CADM2: variants seen among roughly 807,000 people sequenced by gnomAD.
CADM2 encodes cell adhesion molecule 2, also known as immunoglobulin superfamily member 4D.
Under a neutral mutation model 49.8 loss-of-function variants are expected in CADM2, and 12 were observed. That is an observed-to-expected ratio of 0.24 (90% CI 0.15 to 0.39). The LOEUF is 0.39. CADM2 is among the 10% of genes least tolerant of loss of function. The probability of loss-of-function intolerance (pLI) is 1.00; values close to 1 mark genes in which losing one functional copy is unlikely to be tolerated. For synonymous variants in CADM2, 214 were observed against 175.4 expected (o/e 1.22, Z -1.74); for missense variants, 378 against 492.3 (o/e 0.77, Z 2.20).
chr3:85,335,088 A>G (rs2045041680), intron 1 of CADM2, among the ~76,000 whole-genome samples: 1 of 151,494 alleles, frequency 6.6e-6, no homozygotes. Context: ...ATAAAATGCT[A>G]CAAACATGTT....
chr3:86,019,923 T>G (rs1732890191), intron 8 of CADM2, among the ~76,000 whole-genome samples: 1 of 151,974 alleles, frequency 6.6e-6, no homozygotes. Context: ...ACATCACAAT[T>G]AAAAGAACTA....
At chr3:85,953,825 TTAAC>T (rs71654171) in intron 7 of CADM2, among the ~76,000 whole-genome samples, 5,043 of 151,066 alleles carry the variant, frequency 0.033, 278 homozygotes, top group African/African-American at 0.12. Context: ...ACAGCCATTT[TTAAC>T]TAACAAAAAA....
chr3:85,188,782 A>G (rs990084407), intron 1 of CADM2, among the ~76,000 whole-genome samples: 1 of 152,118 alleles, frequency 6.6e-6, no homozygotes, highest in Non-Finnish European at 1.5e-5. Flanking sequence ...CTGTAATCCC[A>G]GCACTTTGGG....
intron 1 of CADM2, among the ~76,000 whole-genome samples, chr3:85,306,961 C>T (rs2044227133): frequency 6.6e-6 from 1 of 151,546 alleles, no homozygotes; most frequent in Non-Finnish European, 1.5e-5. Context: ...AGTATTTCTT[C>T]TCCCAGATTT....
At chr3:85,640,552 G>C (rs1391234349) in intron 1 of CADM2, among the ~76,000 whole-genome samples, 1 of 152,178 alleles carries the variant, frequency 6.6e-6, no homozygotes, top group Non-Finnish European at 1.5e-5. Context: ...ATGTATGAGA[G>C]AGATTGACAT....
intron 1 of CADM2, among the ~76,000 whole-genome samples, chr3:85,570,963 T>C (rs1160287989): frequency 6.6e-6 from 1 of 152,146 alleles, no homozygotes; most frequent in Non-Finnish European, 1.5e-5. Context: ...TTCATTTTAT[T>C]ATAAGAATAA....
At chr3:85,148,193 C>T (rs941106885) in intron 1 of CADM2, among the ~76,000 whole-genome samples, 1 of 152,120 alleles carries the variant, frequency 6.6e-6, no homozygotes, top group Non-Finnish European at 1.5e-5. Flanking sequence ...TTGATTCTCT[C>T]AGCTGTACGG....
chr3:85,167,286 T>G (rs978568203), intron 1 of CADM2, among the ~76,000 whole-genome samples: 2 of 152,126 alleles, frequency 1.3e-5, no homozygotes, highest in Non-Finnish European at 2.9e-5. Flanking sequence ...TATGCTCAGC[T>G]CTTAATTCCA....
At chr3:85,949,734 G>A (rs1212210440) in intron 7 of CADM2, among the ~76,000 whole-genome samples, 1 of 150,970 alleles carries the variant, frequency 6.6e-6, no homozygotes, top group South Asian at 2.1e-4. Context: ...TTTAATATTA[G>A]AAATGAAACA....
chr3:85,904,762 G>A lies in CADM2; in HGVS notation c.530-7611G>A, dbSNP rs1577619769. Among the ~76,000 whole-genome samples the A allele has an allele frequency of 1.3e-5, 2 of 152,190 alleles. 1 individual carries two copies. The highest frequency in any genetic ancestry group is 3.9e-4 in the East Asian group (2 of 5,176). The stretch of plus-strand genomic sequence containing the variant: ...CATACTCATACGTTTTCACGATATT[G>A]ACTCGTAAATTATTCTAATTTATCT... On this transcript the variant is annotated intron_variant, in intron 5 of 9. Coordinates refer to ENST00000383699, the MANE Select transcript of CADM2 (RefSeq NM_001167675.2).
intron 8 of CADM2, among the ~76,000 whole-genome samples, chr3:86,027,189 C>A (rs940281312): frequency 1.3e-5 from 2 of 152,020 alleles, no homozygotes. Context: ...TACCTCATCC[C>A]CCAAAATTTC....
intron 1 of CADM2, among the ~76,000 whole-genome samples, chr3:85,659,803 G>A (rs561216828): frequency 5.3e-5 from 8 of 152,150 alleles, no homozygotes; most frequent in African/African-American, 1.9e-4. Context: ...TTTCTAACAA[G>A]TTCCAAGATG....
At chr3:85,425,888 G>A (rs2036379395) in intron 1 of CADM2, among the ~76,000 whole-genome samples, 1 of 152,148 alleles carries the variant, frequency 6.6e-6, no homozygotes, top group Admixed American at 6.5e-5. Context: ...ATAATGTGGA[G>A]GTCTAAAGGG....
At chr3:85,675,453 C>G (rs1196869120) in intron 1 of CADM2, among the ~76,000 whole-genome samples, 1 of 152,084 alleles carries the variant, frequency 6.6e-6, no homozygotes, top group African/African-American at 2.4e-5. Context: ...TAAAAAAGAT[C>G]ATGAATCAAA....
chr3:85,456,699 T>G (rs1168101063), intron 1 of CADM2, among the ~76,000 whole-genome samples: 1 of 152,124 alleles, frequency 6.6e-6, no homozygotes, highest in Non-Finnish European at 1.5e-5. Flanking sequence ...ACACCCTCTA[T>G]GAAGTTCAAG....
intron 1 of CADM2, among the ~76,000 whole-genome samples, chr3:85,011,776 A>C (rs758439511): frequency 6.6e-6 from 1 of 151,944 alleles, no homozygotes; most frequent in African/African-American, 2.4e-5. Context: ...TGTGGTCTCA[A>C]CTACTTGGAT....
At chr3:85,845,629 A>G (rs2074848243) in intron 3 of CADM2, among the ~76,000 whole-genome samples, 1 of 152,118 alleles carries the variant, frequency 6.6e-6, no homozygotes. Flanking sequence ...CCAGAGTTGG[A>G]ATACCCCAAG....
chr3:85,724,930 G>A (rs1215097333), intron 1 of CADM2, among the ~76,000 whole-genome samples: 1 of 151,514 alleles, frequency 6.6e-6, no homozygotes, highest in Non-Finnish European at 1.5e-5. Context: ...ATATTTTAGT[G>A]GGCTTTAAAT....
intron 1 of CADM2, among the ~76,000 whole-genome samples, chr3:85,306,982 C>T (rs1040165623): frequency 3.3e-5 from 5 of 151,516 alleles, no homozygotes; most frequent in African/African-American, 1.2e-4. Context: ...AACTGTTACT[C>T]CCTTTATCCC....
Sources: allele counts gnomAD v4.1 joint callset (sites outside exome capture counted in the v4.1 genomes callset), GRCh38; gene constraint gnomAD v4.1.1; transcripts MANE v1.5; gene names NCBI Gene and HGNC (gene_info 2026-07-23, HGNC 2026-07-21).